NEXN: variants seen among roughly 807,000 people sequenced by gnomAD.
NEXN encodes the protein nexilin.
Under a neutral mutation model 92.6 loss-of-function variants are expected in NEXN, and 65 were observed. The observed-to-expected ratio is 0.70, with a 90% CI of 0.57 to 0.86. The LOEUF is 0.86. Among genes scored for constraint, NEXN ranks in the 40% least tolerant of loss-of-function variants. NEXN has a pLI of 0.00. For synonymous variants in NEXN, 254 were observed against 242.5 expected, an observed-to-expected ratio of 1.05 and a Z score of -0.44; for missense variants, 778 against 771.1, an observed-to-expected ratio of 1.01 and a Z score of -0.11.
At chr1:77,907,379 C>A (rs1165873027) in intron 1 of NEXN, among the ~76,000 whole-genome samples, 1 of 152,192 alleles carries the variant, frequency 6.6e-6, no homozygotes, top group Non-Finnish European at 1.5e-5. Context: ...GAAGTTTTTT[C>A]TCCAACATAA....
intron 1 of NEXN, among the ~76,000 whole-genome samples, chr1:77,905,338 C>CT (rs1477649450): frequency 6.6e-6 from 1 of 152,002 alleles, no homozygotes; most frequent in Non-Finnish European, 1.5e-5. Flanking sequence ...ATAGTCATGC[C>CT]TTATATCCAG....
At chr1:77,941,040 C>T (rs1032352185) in intron 11 of NEXN, among the ~76,000 whole-genome samples, 2 of 152,108 alleles carry the variant, frequency 1.3e-5, no homozygotes, top group East Asian at 1.9e-4. Context: ...GTACAAGGTA[C>T]GAGGTGTGAG....
chr1:77,917,019 C>G lies in NEXN; in HGVS notation c.28-547C>G, dbSNP rs537819139. On this transcript the variant is annotated intron_variant, in intron 2 of 12. Coordinates refer to ENST00000334785, the MANE Select transcript of NEXN (RefSeq NM_144573.4). ...AATCACAGCTTGTGCACACAGACCA[C>G]GGTGTACCTCAGCCACAAATAAGGA... 1.5e-3 allele frequency among the ~76,000 whole-genome samples: 221 copies of G among 152,284 alleles called. 1 individual carries two copies. The highest frequency in any genetic ancestry group is 8.0e-3 in the Admixed American group (122 of 15,302).
chr1:77,909,641 A>G (rs917192775), intron 1 of NEXN, among the ~76,000 whole-genome samples: 1 of 152,124 alleles, frequency 6.6e-6, no homozygotes, highest in Non-Finnish European at 1.5e-5. Context: ...GCACCGACAG[A>G]CCCACTAAAC....
intron 9 of NEXN, among the ~76,000 whole-genome samples, chr1:77,930,718 T>C (rs549302155): frequency 6.6e-6 from 1 of 152,334 alleles, no homozygotes; most frequent in African/African-American, 2.4e-5. Flanking sequence ...GCCTTCACAC[T>C]GTCTGAAAGA....
At chr1:77,922,496 T>C (rs376938860) in intron 5 of NEXN, among the ~76,000 whole-genome samples, 4 of 152,182 alleles carry the variant, frequency 2.6e-5, no homozygotes, top group South Asian at 2.1e-4. Context: ...TAATATATAA[T>C]TCAACAAAGC....
intron 11 of NEXN, 139 bp downstream of exon 11, chr1:77,936,183 A>C: frequency 4.6e-6 from 3 of 652,974 alleles, no homozygotes; most frequent in Non-Finnish European, 8.0e-6. Flanking sequence ...GTAAATAGCA[A>C]AACACATGTA....
chr1:77,908,179 G>A (rs758069859), intron 1 of NEXN, among the ~76,000 whole-genome samples: 3 of 152,120 alleles, frequency 2.0e-5, no homozygotes, highest in African/African-American at 4.8e-5. Context: ...CTGGGCTCAA[G>A]CGATCTTCCT....
At chr1:77,893,582 T>G (rs1199897221) in intron 1 of NEXN, among the ~76,000 whole-genome samples, 1 of 152,210 alleles carries the variant, frequency 6.6e-6, no homozygotes, top group African/African-American at 2.4e-5. Context: ...CAGACAGTTT[T>G]CCTGTTATCT....
In NEXN at chr1:77,937,245, G is replaced by A. The variant is rs114550422; in HGVS notation, c.1473+1201G>A. Among the ~76,000 whole-genome samples the A allele has an allele frequency of 3.0e-3, 452 of 152,048 alleles. 3 individuals carry two copies. Among genetic ancestry groups the A allele is most frequent in the African/African-American group, 0.01 (428 of 41,470 alleles). On this transcript the variant is annotated intron_variant, in intron 11 of 12. Transcript: ENST00000334785. The stretch of plus-strand genomic sequence containing the variant: ...ATTGAGCCTGGGTGGTTGAGGCTGC[G>A]GTGAACTGTGATTGCACCACTGCAC...
chr1:77,902,168 G>C (rs747874142), intron 1 of NEXN, among the ~76,000 whole-genome samples: 47 of 151,810 alleles, frequency 3.1e-4, no homozygotes, highest in African/African-American at 1.1e-3. Context: ...TTTATTCTTA[G>C]TTCTGTCATA....
Position 77,918,005 on chromosome 1 carries a change from A to G in NEXN, c.265A>G (p.Lys89Glu). ...TGATGATGAGGAAGATGTATCTTCT[A>G]AAGTAGAAAAGGCTTATGTTCCAAA... ...ASDDEEDVSS[K>E]VEKAYVPKLT... Residue 89 changes from lysine (K) to glutamate (E), a missense_variant, in exon 4 of 13, where the codon AAA (lysine) becomes GAA (glutamate). Around this residue, in one of 3 missense-constraint regions of NEXN, gnomAD observed 236 missense variants for 265.6 expected, o/e 0.89. Coordinates refer to ENST00000334785, the MANE Select transcript of NEXN (RefSeq NM_144573.4). 2 of 1,613,556 alleles carry G rather than the reference A, an allele frequency of 1.2e-6. No individual in the cohort carries two copies. Among genetic ancestry groups the G allele is most frequent in the Admixed American group, 1.7e-5 (1 of 60,028 alleles).
chr1:77,926,857 G>C lies in NEXN; in HGVS notation c.829G>C (p.Glu277Gln). 6.2e-7 allele frequency: 1 copy of C among 1,613,954 alleles called. No individual in the cohort carries two copies. Among genetic ancestry groups the C allele is most frequent in the African/African-American group, 1.3e-5 (1 of 75,030 alleles). ...GGAAGCAAGAAAACGTTTAGAAGAA[G>C]AGAAGCGTGCTTTTGAAGAAGCAAG... Reference protein sequence around the residue: ...EEEARKRLEEEKRAFEEARRQ... With the variant: ...EEEARKRLEEQKRAFEEARRQ... Residue 277 changes from glutamate (E) to glutamine (Q), a missense_variant, in exon 8 of 13, where the codon GAG becomes CAG. Physicochemically the swap from Glu to Gln is conservative, Grantham distance 29 (BLOSUM62 2). Coordinates refer to ENST00000334785, the MANE Select transcript of NEXN (RefSeq NM_144573.4).
chr1:77,896,966 G>A (rs1448247868), intron 1 of NEXN, among the ~76,000 whole-genome samples: 2 of 152,226 alleles, frequency 1.3e-5, no homozygotes, highest in African/African-American at 4.8e-5. Flanking sequence ...CCAGGAAGAA[G>A]TTGAATCTCT....
intron 1 of NEXN, among the ~76,000 whole-genome samples, chr1:77,898,592 C>G (rs1279430894): frequency 6.6e-6 from 1 of 152,088 alleles, no homozygotes; most frequent in Non-Finnish European, 1.5e-5. Flanking sequence ...ATTCAGGACA[C>G]AGGCATGGGC....
In NEXN at chr1:77,925,284, A is replaced by T. The variant is rs1461997895; in HGVS notation, c.489+55A>T. On this transcript the variant is annotated intron_variant, in intron 6 of 12. Coordinates refer to ENST00000334785, the MANE Select transcript of NEXN (RefSeq NM_144573.4). ...TCACCTAAAATTATCTGATTCACAAATTATCTTTTAGTATAAGAAAAAACT... is the reference window on the plus strand; with the variant it reads ...TCACCTAAAATTATCTGATTCACAATTTATCTTTTAGTATAAGAAAAAACT... 3.3e-6 allele frequency: 4 copies of T among 1,229,456 alleles called. No homozygotes were observed. The Admixed American group carries it at 5.2e-5, about 16-fold the overall frequency. 76.2% of individuals were successfully genotyped at this position (1,229,456 alleles called of 1,614,324 possible). A position where few individuals can be genotyped will look rare whatever the true frequency, so the allele number is the denominator to read the frequency against.
chr1:77,935,548 T>C (rs527770410), intron 10 of NEXN, among the ~76,000 whole-genome samples: 1 of 152,392 alleles, frequency 6.6e-6, no homozygotes, highest in East Asian at 1.9e-4. Context: ...AGTTAGTAAA[T>C]TTGGACCCTG....
chr1:77,935,963 G>GA lies in NEXN; in HGVS notation c.1399dup (p.Ile467AsnfsTer12), dbSNP rs1365488625. 1.9e-6 allele frequency: 3 copies of GA among 1,613,698 alleles called. No individual in the cohort carries two copies. Among genetic ancestry groups the GA allele is most frequent in the South Asian group, 1.1e-5 (1 of 90,994 alleles). On this transcript the variant is annotated frameshift_variant, in exon 11 of 13. Transcript: ENST00000334785. LOFTEE classifies it high-confidence loss of function. ...GACAGTTGTCTGAAAAAGAAATACA[G>GA]AAAAAAATAGAAGAAGAGCGAGCAA...
chr1:77,933,192 A>C, intron 9 of NEXN, 90 bp from the exon 10 acceptor site: 1 of 881,648 alleles, frequency 1.1e-6, no homozygotes, highest in East Asian at 2.7e-5. Context: ...AAAAACAAAC[A>C]AAAAAAAGAA....
Sources: allele counts gnomAD v4.1 joint callset (sites outside exome capture counted in the v4.1 genomes callset), GRCh38; gene constraint gnomAD v4.1.1; regional missense constraint gnomAD v4.1.1; transcripts MANE v1.5; gene names NCBI Gene and HGNC (gene_info 2026-07-23, HGNC 2026-07-21).